Variants in CEP112 observed in about 807,000 individuals in gnomAD.
CEP112 encodes centrosomal protein of 112 kDa.
A neutral mutation model predicts 153.0 loss-of-function variants in CEP112; 127 were observed. The ratio of observed to expected loss-of-function variants is 0.83; its 90% CI spans 0.72 to 0.96. The LOEUF is 0.96. Ranked by LOEUF, CEP112 falls within the 40% of genes least tolerant of loss-of-function variation. The probability of loss-of-function intolerance (pLI) is 0.00; values close to 1 mark genes in which losing one functional copy is unlikely to be tolerated. For synonymous variants in CEP112, 358 were observed against 374.4 expected (o/e 0.96, Z 0.51); for missense variants, 1,089 against 1,101.2 (o/e 0.99, Z 0.16).
intron 17 of CEP112, among the ~76,000 whole-genome samples, chr17:65,980,831 G>A (rs893715832): frequency 5.3e-5 from 8 of 152,160 alleles, no homozygotes; most frequent in Middle Eastern, 6.8e-3. Context: ...AGGCTAGAGT[G>A]CAGTGGCACG....
intron 21 of CEP112, among the ~76,000 whole-genome samples, chr17:65,780,739 A>C (rs2053950617): frequency 6.6e-6 from 1 of 152,086 alleles, no homozygotes; most frequent in South Asian, 2.1e-4. Flanking sequence ...TAGTACTCTT[A>C]GGAAGCAGAT....
intron 19 of CEP112, among the ~76,000 whole-genome samples, chr17:65,914,714 T>C (rs1164299295): frequency 1.3e-5 from 2 of 152,188 alleles, no homozygotes; most frequent in Non-Finnish European, 2.9e-5. Flanking sequence ...TTTTCTTCTC[T>C]AGTGGATCAG....
chr17:65,993,309 T>C (rs1174040722), intron 17 of CEP112, among the ~76,000 whole-genome samples: 1 of 152,246 alleles, frequency 6.6e-6, no homozygotes. Flanking sequence ...CCATGGTATA[T>C]ATGTACCACA....
chr17:65,654,071 A>AG (rs2045934936), intron 24 of CEP112, among the ~76,000 whole-genome samples: 1 of 150,418 alleles, frequency 6.6e-6, no homozygotes, highest in Non-Finnish European at 1.5e-5. Context: ...AAAAAAAAAA[A>AG]AAAAAAAAAA....
chr17:66,077,867 G>A (rs758964566), intron 8 of CEP112, among the ~76,000 whole-genome samples: 5 of 152,160 alleles, frequency 3.3e-5, no homozygotes, highest in South Asian at 4.1e-4. Flanking sequence ...TCCTTTTACC[G>A]TGCAAAAGCT....
At chr17:66,072,902 T>C (rs1260360972) in intron 8 of CEP112, among the ~76,000 whole-genome samples, 2 of 152,110 alleles carry the variant, frequency 1.3e-5, no homozygotes, top group Non-Finnish European at 2.9e-5. Context: ...GAAACAATCT[T>C]GCTACTATAT....
chr17:65,761,171 T>C lies in CEP112; in HGVS notation c.2395-10447A>G, dbSNP rs189629955. 1.5e-3 allele frequency among the ~76,000 whole-genome samples: 231 copies of C among 152,144 alleles called. 3 individuals are homozygous for C. The highest frequency in any genetic ancestry group is 5.5e-3 in the African/African-American group (227 of 41,568). On this transcript the variant is annotated intron_variant, in intron 21 of 26. Coordinates refer to ENST00000535342, the MANE Select transcript of CEP112 (RefSeq NM_001199165.4). ...GCATGGCTAAAACCTATCAAATCTA[T>C]TGATCTTTTCAAAGAACCAGCTTTT...
chr17:66,128,251 CA>C (rs2146508998), intron 6 of CEP112, among the ~76,000 whole-genome samples: 1 of 126,898 alleles, frequency 7.9e-6, no homozygotes, highest in East Asian at 2.5e-4. Context: ...TGCAGTGAGC[CA>C]CAATAGCACC....
chr17:65,975,900 AT>A (rs1568327231), intron 17 of CEP112, among the ~76,000 whole-genome samples: 1 of 152,190 alleles, frequency 6.6e-6, no homozygotes, highest in Admixed American at 6.5e-5. Context: ...ACCTATCGTA[AT>A]TTTTTCTTTA....
rs199625203 is a variant in CEP112, at chr17:66,030,021, G to A, written c.1221C>T (p.Asn407=). 3.8e-5 allele frequency: 61 copies of A among 1,612,498 alleles called. No individual in the cohort carries two copies. The highest frequency in any genetic ancestry group is 4.7e-5 in the Non-Finnish European group (56 of 1,179,388). ...GGGCCTCCAGTTCTTTGATCATGTGGTTCTAAAAGAACAGGTCATGGTTAA... is the reference window on the plus strand; with the variant it reads ...GGGCCTCCAGTTCTTTGATCATGTGATTCTAAAAGAACAGGTCATGGTTAA... The part of the protein sequence containing the change: ...SEYMAQTQST[N]HMIKELEARV... The change falls in exon 13 of 27, where the codon AAC becomes AAT. Residue 407 remains asparagine, a splice_region_variant and synonymous_variant. Transcript: ENST00000535342.
chr17:65,775,493 A>T (rs1295301511), intron 21 of CEP112, among the ~76,000 whole-genome samples: 1 of 138,380 alleles, frequency 7.2e-6, no homozygotes, highest in Non-Finnish European at 1.6e-5. Flanking sequence ...AATTTTTAAA[A>T]TTTTATTTTA....
intron 23 of CEP112, among the ~76,000 whole-genome samples, chr17:65,702,695 A>G (rs1337768519): frequency 6.6e-6 from 1 of 152,304 alleles, no homozygotes; most frequent in East Asian, 1.9e-4. Flanking sequence ...GAGACTGGGT[A>G]ATTTATAAAG....
Position 66,029,964 on chromosome 17 carries a change from G to A in CEP112, c.1278C>T (p.Asn426=), listed in dbSNP as rs767643385. Residue 426 remains asparagine, a synonymous_variant, in exon 13 of 27, where the codon AAC becomes AAT. Transcript: ENST00000535342. ...TTAATTTCTGCCTCTGTAAATTACT[G>A]TTCTCTGCTTCTCCAGTCAGCTGCT... is the stretch of plus-strand genomic sequence containing the variant. ...RVQQLTGEAE[N]SNLQRQKLIQ... 6.2e-7 allele frequency: 1 copy of A among 1,612,880 alleles called. No individual in the cohort carries two copies. The highest frequency in any genetic ancestry group is 1.3e-5 in the African/African-American group (1 of 74,804).
chr17:66,029,296 C>G, intron 13 of CEP112, 44 bp from the exon 14 acceptor site: 1 of 1,544,768 alleles, frequency 6.5e-7, no homozygotes, highest in Non-Finnish European at 8.8e-7. Context: ...TATTTAAAAC[C>G]AATCTCTAAA....
rs1387649941 is a variant in CEP112 at position 65,961,605 on chromosome 17, A to G, written c.1737-7T>C. On this transcript the variant is annotated splice_region_variant and splice_polypyrimidine_tract_variant and intron_variant, in intron 17 of 26. Coordinates refer to ENST00000535342, the MANE Select transcript of CEP112 (RefSeq NM_001199165.4). Reference sequence around the variant, plus strand: ...TAGCTGCTCCTCTTTTTCCCTAGAAAGGTTCAGAGAAGCTTCAGAGTTAAA... The same window carrying G: ...TAGCTGCTCCTCTTTTTCCCTAGAAGGGTTCAGAGAAGCTTCAGAGTTAAA... 1 of 1,599,268 alleles carries G rather than the reference A, an allele frequency of 6.3e-7. No individual in the cohort carries two copies. Among genetic ancestry groups the G allele is most frequent in the East Asian group, 2.2e-5 (1 of 44,554 alleles).
chr17:65,842,551 C>A (rs9890367), intron 21 of CEP112, among the ~76,000 whole-genome samples: 39 of 152,138 alleles, frequency 2.6e-4, no homozygotes, highest in African/African-American at 9.2e-4. Context: ...GCTTTGTAGT[C>A]CCTCTCAGGT....
intron 6 of CEP112, among the ~76,000 whole-genome samples, chr17:66,128,735 G>A (rs940600118): frequency 2.6e-5 from 4 of 152,080 alleles, no homozygotes; most frequent in African/African-American, 9.7e-5. Flanking sequence ...TCCAAAAATA[G>A]CAGAACACTT....
chr17:65,940,855 C>A (rs889481922), intron 18 of CEP112, among the ~76,000 whole-genome samples: 5 of 151,982 alleles, frequency 3.3e-5, no homozygotes, highest in African/African-American at 1.2e-4. Context: ...ATATATATTT[C>A]AAAATTGGTA....
At chr17:66,074,242 A>T (rs1342784486) in intron 8 of CEP112, among the ~76,000 whole-genome samples, 4 of 152,150 alleles carry the variant, frequency 2.6e-5, no homozygotes, top group Non-Finnish European at 1.5e-5. Flanking sequence ...TAGAGAGAAC[A>T]GATAAAGGAG....
Sources: gnomAD v4.1 joint callset for allele counts (sites outside exome capture counted in the v4.1 genomes callset) on GRCh38, gnomAD v4.1.1 for gene constraint, MANE v1.5 for transcripts, NCBI Gene and HGNC (gene_info 2026-07-23, HGNC 2026-07-21) for gene names.